Variants in PCDH15 observed in about 807,000 individuals in gnomAD.
The protein encoded by PCDH15 is protocadherin-15.
A neutral mutation model predicts 178.5 loss-of-function variants in PCDH15; 129 were observed. The ratio of observed to expected loss-of-function variants is 0.72; its 90% CI spans 0.63 to 0.84. The LOEUF is 0.84. PCDH15 is among the 40% of genes least tolerant of loss of function. The pLI is 0.00. For synonymous variants in PCDH15, 800 were observed against 732.0 expected, an observed-to-expected ratio of 1.09 and a Z score of -1.50; for missense variants, 2,230 against 2,099.9, an observed-to-expected ratio of 1.06 and a Z score of -1.21.
intron 16 of PCDH15, among the ~76,000 whole-genome samples, chr10:54,086,470 G>T (rs1190547148): frequency 1.3e-5 from 2 of 152,112 alleles, no homozygotes; most frequent in Non-Finnish European, 2.9e-5. Context: ...GCAGTACCTG[G>T]ATTGTTCATA....
At chr10:53,888,304 A>ATATATATATATATATATATATATATATG (rs1554845195) in intron 26 of PCDH15, among the ~76,000 whole-genome samples, 3 of 88,974 alleles carry the variant, frequency 3.4e-5, no homozygotes, top group African/African-American at 1.7e-4. Flanking sequence ...ATATATATAT[A>ATATATATATATATATATATATATATATG]TATATGTATA....
At chr10:53,893,469 T>C (rs974924226) in intron 26 of PCDH15, among the ~76,000 whole-genome samples, 1 of 152,118 alleles carries the variant, frequency 6.6e-6, no homozygotes, top group Non-Finnish European at 1.5e-5. Context: ...TTTTAAGAAG[T>C]CATTATATGA....
At chr10:53,819,095 A>C (rs1273013872) in intron 33 of PCDH15, among the ~76,000 whole-genome samples, 1 of 152,028 alleles carries the variant, frequency 6.6e-6, no homozygotes, top group Non-Finnish European at 1.5e-5. Flanking sequence ...AAGACTGATA[A>C]TTCTTCCAGA....
chr10:55,176,463 C>A (rs757992513), intron 1 of PCDH15, among the ~76,000 whole-genome samples: 14 of 152,100 alleles, frequency 9.2e-5, no homozygotes, highest in Non-Finnish European at 1.9e-4. Flanking sequence ...AACTGCCATA[C>A]CTGTCCAGAT....
At chr10:55,258,534 C>A (rs922712383) in intron 1 of PCDH15, among the ~76,000 whole-genome samples, 1 of 152,084 alleles carries the variant, frequency 6.6e-6, no homozygotes, top group Non-Finnish European at 1.5e-5. Context: ...CTGCCTTATA[C>A]CCCTCAGTTG....
At chr10:54,573,175 C>A (rs2090042990) in intron 2 of PCDH15, among the ~76,000 whole-genome samples, 2 of 151,950 alleles carry the variant, frequency 1.3e-5, no homozygotes, top group African/African-American at 4.8e-5. Context: ...GTCTTTGACC[C>A]AAATTCTTGC....
At chr10:55,144,701 G>A (rs10509025) in intron 2 of PCDH15, among the ~76,000 whole-genome samples, 34,364 of 151,950 alleles carry the variant, frequency 0.23, 4,700 homozygotes, top group Non-Finnish European at 0.31. Flanking sequence ...TATAAACATG[G>A]TATGATCCAA....
At chr10:54,776,507 A>C (rs1949723563) in intron 1 of PCDH15, among the ~76,000 whole-genome samples, 1 of 152,094 alleles carries the variant, frequency 6.6e-6, no homozygotes, top group Admixed American at 6.5e-5. Context: ...TAATTAGTTA[A>C]ACATTAGGGC....
chr10:55,234,529 A>T (rs1279964248), intron 1 of PCDH15, among the ~76,000 whole-genome samples: 1 of 151,520 alleles, frequency 6.6e-6, no homozygotes, highest in African/African-American at 2.4e-5. Flanking sequence ...TCAGCCTCCC[A>T]ACTAATTTTT....
intron 2 of PCDH15, among the ~76,000 whole-genome samples, chr10:55,526,881 C>A (rs1262761134): frequency 3.3e-5 from 5 of 152,106 alleles, no homozygotes; most frequent in East Asian, 3.9e-4. Flanking sequence ...TGCTAAAATT[C>A]TTCTATTATT....
chr10:54,048,037 CATT>C lies in PCDH15; in HGVS notation c.2220+18717_2220+18719del, dbSNP rs199633969. ...TACATTTCCACCAACAGTGTATATG[CATT>C]CCCTTTTTTCCACACCTTTGCAAAC... On this transcript the variant is annotated intron_variant, in intron 18 of 37. Transcript: ENST00000644397. Among the ~76,000 whole-genome samples, 1,179 of 152,220 alleles carry C rather than the reference CATT, an allele frequency of 7.7e-3. 18 individuals carry two copies. The highest frequency in any genetic ancestry group is 0.027 in the African/African-American group (1,103 of 41,550).
intron 2 of PCDH15, among the ~76,000 whole-genome samples, chr10:55,362,583 C>T (rs562506926): frequency 7.9e-5 from 12 of 152,162 alleles, no homozygotes; most frequent in Admixed American, 7.9e-4. Context: ...GTATCACAAC[C>T]ATGAAATTGA....
At chr10:55,611,845 A>T (rs1197574039) in intron 2 of PCDH15, among the ~76,000 whole-genome samples, 1 of 152,092 alleles carries the variant, frequency 6.6e-6, no homozygotes, top group East Asian at 1.9e-4. Context: ...GCTTTTAAAA[A>T]GGAGAAAATT....
intron 2 of PCDH15, among the ~76,000 whole-genome samples, chr10:54,564,074 T>C (rs1417658985): frequency 6.6e-6 from 1 of 152,082 alleles, no homozygotes; most frequent in Non-Finnish European, 1.5e-5. Flanking sequence ...TTATAAAGAA[T>C]TACCCCCAAT....
At chr10:55,160,374 A>G (rs1208857616) in intron 2 of PCDH15, among the ~76,000 whole-genome samples, 1 of 151,884 alleles carries the variant, frequency 6.6e-6, no homozygotes, top group Non-Finnish European at 1.5e-5. Context: ...TGGGAGGTGG[A>G]GGCAGAGGGA....
chr10:53,979,361 G>A (rs1245466817), intron 21 of PCDH15, among the ~76,000 whole-genome samples: 1 of 152,110 alleles, frequency 6.6e-6, no homozygotes, highest in Non-Finnish European at 1.5e-5. Flanking sequence ...CATGAGAAGG[G>A]CATGGAAGTA....
chr10:55,284,679 T>C (rs1842822214), intron 1 of PCDH15, among the ~76,000 whole-genome samples: 1 of 152,092 alleles, frequency 6.6e-6, no homozygotes, highest in Admixed American at 6.6e-5. Flanking sequence ...TATCCCACTG[T>C]TTGAATCTCT....
chr10:55,035,994 T>TC (rs1840726430), intron 2 of PCDH15, among the ~76,000 whole-genome samples: 1 of 151,962 alleles, frequency 6.6e-6, no homozygotes, highest in African/African-American at 2.4e-5. Context: ...TTTGAATGTG[T>TC]CCCCCCAAAG....
chr10:54,253,417 C>A (rs1201270018), intron 8 of PCDH15, among the ~76,000 whole-genome samples: 4 of 151,806 alleles, frequency 2.6e-5, no homozygotes. Flanking sequence ...CACTGTAGAC[C>A]CTACATGTAC....
Sources: allele counts gnomAD v4.1 joint callset (sites outside exome capture counted in the v4.1 genomes callset), GRCh38; gene constraint gnomAD v4.1.1; transcripts MANE v1.5; gene names NCBI Gene and HGNC (gene_info 2026-07-23, HGNC 2026-07-21).